The following EXOC6B variants were observed in gnomAD, a reference collection of about 807,000 sequenced individuals.
EXOC6B encodes the protein exocyst complex component 6B, also known as SEC15 homolog B.
A neutral mutation model predicts 113.5 loss-of-function variants in EXOC6B; 54 were observed. That is an observed-to-expected ratio of 0.48 (90% confidence interval 0.38 to 0.60). The LOEUF (loss-of-function observed/expected upper bound fraction) is 0.60, where lower values mean the gene tolerates loss of function less well. Ranked by LOEUF, EXOC6B falls within the 20% of genes least tolerant of loss-of-function variation. The pLI, the probability that EXOC6B is intolerant of heterozygous loss-of-function variation, is 0.00. For synonymous variants in EXOC6B, 357 were observed against 339.0 expected (o/e 1.05, Z -0.58); for missense variants, 797 against 977.5 (o/e 0.82, Z 2.46).
intron 20 of EXOC6B, among the ~76,000 whole-genome samples, chr2:72,224,886 A>ACT (rs1681115855): frequency 8.5e-6 from 1 of 118,214 alleles, no homozygotes; most frequent in Admixed American, 9.3e-5. Flanking sequence ...ATATATATAT[A>ACT]CATCTATGTG....
chr2:72,262,007 T>C (rs781455167), intron 20 of EXOC6B, among the ~76,000 whole-genome samples: 10 of 152,134 alleles, frequency 6.6e-5, no homozygotes, highest in Non-Finnish European at 1.0e-4. Flanking sequence ...AGGCAGGTAG[T>C]GGCAGAGATG....
At chr2:72,273,469 A>G (rs1168856438) in intron 20 of EXOC6B, among the ~76,000 whole-genome samples, 1 of 152,144 alleles carries the variant, frequency 6.6e-6, no homozygotes, top group Non-Finnish European at 1.5e-5. Flanking sequence ...ATAGTATGAT[A>G]TGCTGCAACA....
chr2:72,686,357 T>A (rs537139666), intron 6 of EXOC6B, among the ~76,000 whole-genome samples: 1 of 152,140 alleles, frequency 6.6e-6, no homozygotes, highest in Non-Finnish European at 1.5e-5. Flanking sequence ...ACTGAGTTAA[T>A]AAGGTTTAAC....
chr2:72,183,792 A>G (rs951138982), intron 21 of EXOC6B, among the ~76,000 whole-genome samples: 2 of 151,864 alleles, frequency 1.3e-5, no homozygotes, highest in Non-Finnish European at 2.9e-5. Context: ...ATCTAGTAAG[A>G]GACGCTAGTA....
At chr2:72,773,621 C>T (rs1255547210) in intron 1 of EXOC6B, among the ~76,000 whole-genome samples, 1 of 151,704 alleles carries the variant, frequency 6.6e-6, no homozygotes, top group Non-Finnish European at 1.5e-5. Context: ...AACTGAGAAC[C>T]TTGAAAATAA....
rs180789481 is a variant in EXOC6B, at chr2:72,783,748, T to C, written c.113+42050A>G. 4.6e-4 allele frequency among the ~76,000 whole-genome samples: 70 copies of C among 152,332 alleles called. 2 individuals carry two copies. The highest frequency in any genetic ancestry group is 3.4e-3 in the Middle Eastern group (1 of 294). ...GATTCTTCGTATAGTCTGGATATTA[T>C]CCCTTATTGGATGAAGAGTTGCAAA... On this transcript the variant is annotated intron_variant, in intron 1 of 21. Coordinates refer to ENST00000272427, the MANE Select transcript of EXOC6B (RefSeq NM_015189.3).
At chr2:72,320,194 T>C (rs919543912) in intron 20 of EXOC6B, among the ~76,000 whole-genome samples, 17 of 148,742 alleles carry the variant, frequency 1.1e-4, no homozygotes, top group Admixed American at 1.1e-3. Context: ...TTTATATATA[T>C]TTACATATAT....
chr2:72,515,302 A>G, intron 8 of EXOC6B, 176 bp from the exon 9 acceptor site: 2 of 853,516 alleles, frequency 2.3e-6, no homozygotes, highest in Non-Finnish European at 3.5e-6. Flanking sequence ...CCATGTATTG[A>G]ACCTTAGTTA....
intron 18 of EXOC6B, among the ~76,000 whole-genome samples, chr2:72,388,365 ATC>A (rs1558617721): frequency 6.6e-6 from 1 of 152,176 alleles, no homozygotes; most frequent in African/African-American, 2.4e-5. Context: ...TTTGGAATAT[ATC>A]TGTTATAGAT....
At chr2:72,420,624 A>G (rs942646783) in intron 18 of EXOC6B, among the ~76,000 whole-genome samples, 3 of 152,088 alleles carry the variant, frequency 2.0e-5, no homozygotes, top group Non-Finnish European at 4.4e-5. Context: ...CATTTTCTTA[A>G]TCAATCTATC....
intron 8 of EXOC6B, chr2:72,515,559 A>G: frequency 2.0e-6 from 2 of 1,004,846 alleles, no homozygotes; most frequent in Non-Finnish European, 2.4e-6. Context: ...AGCAGGAAAA[A>G]AGCAGGAATT....
intron 1 of EXOC6B, among the ~76,000 whole-genome samples, chr2:72,765,294 A>T (rs1558983831): frequency 6.6e-6 from 1 of 152,128 alleles, no homozygotes; most frequent in Non-Finnish European, 1.5e-5. Flanking sequence ...CTCAAAAAAA[A>T]ATTTAAAATA....
Position 72,243,094 on chromosome 2 carries a change from C to T in EXOC6B, c.2197-58907G>A, listed in dbSNP as rs572908230. 1.4e-4 allele frequency among the ~76,000 whole-genome samples: 21 copies of T among 152,118 alleles called. 1 individual carries two copies. The South Asian group carries it at 4.2e-3, about 30-fold the overall frequency. ...GTTCTCATGCTGCTATAAGGACATA[C>T]CCGAGACTGGGTAATTTATAAAGAA... On this transcript the variant is annotated intron_variant, in intron 20 of 21. Transcript: ENST00000272427.
chr2:72,711,508 A>C (rs566874877), intron 6 of EXOC6B, among the ~76,000 whole-genome samples: 4 of 152,324 alleles, frequency 2.6e-5, no homozygotes, highest in Admixed American at 2.6e-4. Flanking sequence ...TCCACAGAAG[A>C]TATGTTCCAA....
At chr2:72,485,269 T>C (rs797006941) in intron 16 of EXOC6B, among the ~76,000 whole-genome samples, 10 of 152,322 alleles carry the variant, frequency 6.6e-5, no homozygotes, top group African/African-American at 2.2e-4. Context: ...TTCCCAACTA[T>C]AAATTAATTC....
At chr2:72,758,977 T>G (rs900321065) in intron 1 of EXOC6B, among the ~76,000 whole-genome samples, 4 of 152,210 alleles carry the variant, frequency 2.6e-5, no homozygotes, top group Non-Finnish European at 5.9e-5. Flanking sequence ...AGTTTTACCC[T>G]CTGGACATGT....
At chr2:72,715,062 C>T (rs1354042112) in intron 6 of EXOC6B, among the ~76,000 whole-genome samples, 3 of 151,862 alleles carry the variant, frequency 2.0e-5, no homozygotes, top group Non-Finnish European at 2.9e-5. Flanking sequence ...GTCAAGAGAT[C>T]GAGACCATCC....
At chr2:72,434,188 T>TTA (rs1396736467) in intron 18 of EXOC6B, among the ~76,000 whole-genome samples, 1 of 152,196 alleles carries the variant, frequency 6.6e-6, no homozygotes, top group Non-Finnish European at 1.5e-5. Context: ...TTGCTTTTGT[T>TTA]TATATGATGA....
intron 18 of EXOC6B, among the ~76,000 whole-genome samples, chr2:72,384,196 A>T (rs192263642): frequency 5.3e-4 from 81 of 152,196 alleles, no homozygotes; most frequent in Middle Eastern, 3.4e-3. Flanking sequence ...AGCAAAACAA[A>T]AGGTGTGAGA....
Sources: gnomAD v4.1 joint callset for allele counts (sites outside exome capture counted in the v4.1 genomes callset) on GRCh38, gnomAD v4.1.1 for gene constraint, MANE v1.5 for transcripts, NCBI Gene and HGNC (gene_info 2026-07-23, HGNC 2026-07-21) for gene names.